Variants in ADAMTSL1 observed in about 807,000 individuals in gnomAD.
ADAMTSL1 encodes the protein ADAMTS-like protein 1.
In ADAMTSL1, 126 loss-of-function variants were observed where a neutral mutation model predicts 201.8. The ratio of observed to expected loss-of-function variants is 0.62; its 90% confidence interval spans 0.54 to 0.72. ADAMTSL1 has a LOEUF of 0.72. Ranked by LOEUF, ADAMTSL1 falls within the 30% of genes least tolerant of loss-of-function variation. The pLI is 0.00. For synonymous variants in ADAMTSL1, 1,121 were observed against 903.4 expected (o/e 1.24, Z -4.32); for missense variants, 2,679 against 2,277.8 (o/e 1.18, Z -3.59).
At chr9:18,013,110 AC>A (rs1342299245) in intron 1 of ADAMTSL1, among the ~76,000 whole-genome samples, 1 of 151,952 alleles carries the variant, frequency 6.6e-6, no homozygotes, top group Non-Finnish European at 1.5e-5. Context: ...TGTACTCTGA[AC>A]ACCTAGCACT....
At chr9:18,499,939 A>C (rs1822745791) in intron 1 of ADAMTSL1, among the ~76,000 whole-genome samples, 1 of 152,214 alleles carries the variant, frequency 6.6e-6, no homozygotes, top group Non-Finnish European at 1.5e-5. Flanking sequence ...TTTGGAAAAA[A>C]TATTTTCCAA....
At chr9:18,102,028 A>G (rs144516600) in intron 1 of ADAMTSL1, among the ~76,000 whole-genome samples, 299 of 152,266 alleles carry the variant, frequency 2.0e-3, no homozygotes, top group African/African-American at 6.7e-3. Flanking sequence ...GCATATTTTT[A>G]TGTTTCTTTC....
At chr9:18,843,198 C>T (rs1039980001) in intron 23 of ADAMTSL1, among the ~76,000 whole-genome samples, 1 of 150,624 alleles carries the variant, frequency 6.6e-6, no homozygotes, top group Non-Finnish European at 1.5e-5. Flanking sequence ...ATGTTTAGTG[C>T]TTCCTTCAGG....
rs1005316162 is a variant in ADAMTSL1 at position 18,712,443 on chromosome 9, G to A, written c.1876+5395G>A. Among the ~76,000 whole-genome samples the A allele has an allele frequency of 1.5e-3, 224 of 151,878 alleles. 2 individuals carry two copies. The highest frequency in any genetic ancestry group is 5.2e-3 in the African/African-American group (214 of 41,402). ...CTGAAAACCAAGGCTCCAGAACTACGTGAAGAATGCAGAAGCCTCAGGAGC... is the reference window on the plus strand; with the variant it reads ...CTGAAAACCAAGGCTCCAGAACTACATGAAGAATGCAGAAGCCTCAGGAGC... On this transcript the variant is annotated intron_variant, in intron 14 of 28. Transcript: ENST00000380548.
intron 3 of ADAMTSL1, among the ~76,000 whole-genome samples, chr9:18,536,952 T>A (rs7870255): frequency 0.5 from 75,120 of 151,678 alleles, 19,693 homozygotes; most frequent in East Asian, 0.73. Context: ...TCCTTAAGGT[T>A]CATATGAGTT....
intron 1 of ADAMTSL1, among the ~76,000 whole-genome samples, chr9:18,139,935 A>G (rs536310148): frequency 8.5e-5 from 13 of 152,258 alleles, no homozygotes; most frequent in Non-Finnish European, 1.3e-4. Context: ...TGAAATTTTT[A>G]GGTTCTGGAA....
At chr9:18,666,483 T>A (rs547550682) in intron 9 of ADAMTSL1, among the ~76,000 whole-genome samples, 1 of 152,290 alleles carries the variant, frequency 6.6e-6, no homozygotes, top group East Asian at 1.9e-4. Context: ...AGACACACCC[T>A]CCTGCATGTC....
intron 5 of ADAMTSL1, among the ~76,000 whole-genome samples, chr9:18,631,724 G>C (rs565157327): frequency 7.5e-4 from 114 of 152,134 alleles, no homozygotes; most frequent in Non-Finnish European, 1.4e-3. Context: ...TATATAGAAA[G>C]TTGTGTGATA....
At chr9:18,387,753 T>C (rs17792405) in intron 2 of ADAMTSL1, among the ~76,000 whole-genome samples, 12,478 of 152,240 alleles carry the variant, frequency 0.082, 701 homozygotes, top group Middle Eastern at 0.15. Flanking sequence ...CCATTTATTG[T>C]AACTGTAGGC....
intron 1 of ADAMTSL1, among the ~76,000 whole-genome samples, chr9:18,041,541 A>G (rs980468985): frequency 4.6e-5 from 7 of 152,286 alleles, no homozygotes; most frequent in Non-Finnish European, 5.9e-5. Context: ...TGATTAAATT[A>G]TTTGTTTTTG....
chr9:18,196,344 T>C (rs906716728), intron 2 of ADAMTSL1, among the ~76,000 whole-genome samples: 1 of 152,018 alleles, frequency 6.6e-6, no homozygotes, highest in African/African-American at 2.4e-5. Context: ...CCTTACCTCA[T>C]CGTAAAAGAG....
intron 16 of ADAMTSL1, among the ~76,000 whole-genome samples, chr9:18,759,497 C>A (rs1348058070): frequency 6.6e-6 from 1 of 152,126 alleles, no homozygotes; most frequent in Non-Finnish European, 1.5e-5. Context: ...TGTAAATCCA[C>A]ATAAGTTAGA....
At chr9:18,106,133 T>G (rs1378200924) in intron 1 of ADAMTSL1, among the ~76,000 whole-genome samples, 1 of 152,194 alleles carries the variant, frequency 6.6e-6, no homozygotes, top group Admixed American at 6.6e-5. Flanking sequence ...AATAGTGATA[T>G]GTGCTTGAGG....
At chr9:18,532,330 C>T (rs117134268) in intron 2 of ADAMTSL1, among the ~76,000 whole-genome samples, 3,028 of 152,130 alleles carry the variant, frequency 0.02, 41 homozygotes, top group Non-Finnish European at 0.031. Context: ...AAGTTCATTC[C>T]CTTTAGTCTA....
At chr9:18,822,393 T>C (rs1047112503) in intron 21 of ADAMTSL1, among the ~76,000 whole-genome samples, 1 of 152,152 alleles carries the variant, frequency 6.6e-6, no homozygotes, top group Non-Finnish European at 1.5e-5. Context: ...ATTCTGAAAG[T>C]AGAAAGGAAT....
At chr9:18,468,054 CA>C (rs549710083) in intron 2 of ADAMTSL1, among the ~76,000 whole-genome samples, 201 of 152,234 alleles carry the variant, frequency 1.3e-3, no homozygotes, top group Non-Finnish European at 2.6e-3. Flanking sequence ...ATTCAAACCT[CA>C]ACAATTAAAA....
chr9:18,752,720 G>A (rs764159619), intron 15 of ADAMTSL1, among the ~76,000 whole-genome samples: 2 of 152,180 alleles, frequency 1.3e-5, no homozygotes, highest in African/African-American at 2.4e-5. Context: ...AAGACTGATC[G>A]ATGGAGCAGC....
Position 18,248,596 on chromosome 9 carries a change from G to A in ADAMTSL1, c.207+84615G>A, listed in dbSNP as rs1831348509. 5.3e-5 allele frequency among the ~76,000 whole-genome samples: 8 copies of A among 152,276 alleles called. No homozygotes were observed. In the South Asian group the frequency reaches 1.7e-3, roughly 32 times the overall value. ...ACCAAAGCAATGGAAAGAAAATAAA[G>A]CAGTAGCATATAAAAATCACAATCA... On this transcript the variant is annotated intron_variant, in intron 2 of 29. Coordinates refer to the ADAMTSL1 transcript ENST00000680146.
chr9:18,473,894 T>C, upstream of ADAMTSL1: 1 of 333,002 alleles, frequency 3.0e-6, no homozygotes, highest in South Asian at 5.9e-5. Context: ...ATCTTTTGCA[T>C]TTCCCTTCTC....
Sources: gnomAD v4.1 joint callset for allele counts (sites outside exome capture counted in the v4.1 genomes callset) on GRCh38, gnomAD v4.1.1 for gene constraint, MANE v1.5 for transcripts, NCBI Gene and HGNC (gene_info 2026-07-23, HGNC 2026-07-21) for gene names.